IFNAR1: variants seen among roughly 807,000 people sequenced by gnomAD.
The protein encoded by IFNAR1 is interferon alpha and beta receptor subunit 1.
A neutral mutation model predicts 62.1 loss-of-function variants in IFNAR1; 47 were observed. The ratio of observed to expected loss-of-function variants is 0.76; its 90% confidence interval spans 0.60 to 0.97. The LOEUF (loss-of-function observed/expected upper bound fraction) is 0.97. Ranked by LOEUF, IFNAR1 falls within the 50% of genes least tolerant of loss-of-function variation. The probability of loss-of-function intolerance (pLI) is 0.00; values close to 1 mark genes in which losing one functional copy is unlikely to be tolerated. For synonymous variants in IFNAR1, 219 were observed against 226.9 expected, an observed-to-expected ratio of 0.97 and a Z score of 0.31; for missense variants, 638 against 654.5, an observed-to-expected ratio of 0.97 and a Z score of 0.27.
chr21:33,355,617 C>T lies in IFNAR1; in HGVS notation c.*68C>T. On this transcript the variant is annotated 3_prime_UTR_variant, in exon 11 of 11. Coordinates refer to ENST00000270139, the MANE Select transcript of IFNAR1 (RefSeq NM_000629.3). ...TTACACTGGGAGCCTGAGGTCCTCA[C>T]CTTCCTCTCAGTAACTACAGAGAGG... 1.3e-6 allele frequency: 1 copy of T among 778,378 alleles called. No individual in the cohort carries two copies. The highest frequency in any genetic ancestry group is 2.4e-4 in the Middle Eastern group (1 of 4,182). 48.2% of individuals were successfully genotyped at this position (778,378 alleles called of 1,614,324 possible). A position where few individuals can be genotyped will look rare whatever the true frequency, so the allele number is the denominator to read the frequency against.
In IFNAR1 at chr21:33,346,581, T is replaced by C. The variant is rs539144362; in HGVS notation, c.788+1221T>C. Among the ~76,000 whole-genome samples, 119 of 152,360 alleles carry C rather than the reference T, an allele frequency of 7.8e-4. 1 individual carries two copies. The highest frequency in any genetic ancestry group is 2.8e-3 in the African/African-American group (115 of 41,574). On this transcript the variant is annotated intron_variant, in intron 6 of 10. Coordinates refer to ENST00000270139, the MANE Select transcript of IFNAR1 (RefSeq NM_000629.3). ...GATAATGAGAGGTATTTCTGATAGC[T>C]GATCTCTAAGCTTCTTTTGGGTACT...
rs566967914 is a variant in IFNAR1, at chr21:33,328,027, G to A, written c.76+2896G>A. Among the ~76,000 whole-genome samples, 9 of 152,328 alleles carry A rather than the reference G, an allele frequency of 5.9e-5. No homozygotes were observed. In the South Asian group the frequency reaches 6.2e-4, roughly 11 times the overall value. On this transcript the variant is annotated intron_variant, in intron 1 of 10. Coordinates refer to ENST00000270139, the MANE Select transcript of IFNAR1 (RefSeq NM_000629.3). ...TTGTCCAACCCACAGCCCACTGGCC[G>A]CGTGCAGCCCATGATGGCTTTGAAT... is the stretch of plus-strand genomic sequence containing the variant.
At chr21:33,352,464 G>C (rs138180316) in intron 8 of IFNAR1, among the ~76,000 whole-genome samples, 221 of 152,164 alleles carry the variant, frequency 1.5e-3, no homozygotes, top group African/African-American at 5.2e-3. Context: ...AATTAGGCGT[G>C]GTGGCATCTG....
Sources: allele counts gnomAD v4.1 joint callset (sites outside exome capture counted in the v4.1 genomes callset), GRCh38; gene constraint gnomAD v4.1.1; transcripts MANE v1.5; gene names NCBI Gene and HGNC (gene_info 2026-07-23, HGNC 2026-07-21).